Variants in ATP8A2 observed in about 807,000 individuals in gnomAD.
ATP8A2 encodes ATPase phospholipid transporting 8A2, also known as phospholipid-transporting ATPase IB.
A neutral mutation model predicts 165.6 loss-of-function variants in ATP8A2; 100 were observed. The observed-to-expected ratio is 0.60, with a 90% CI of 0.51 to 0.71. The LOEUF is 0.71. Ranked by LOEUF, ATP8A2 falls within the 30% of genes least tolerant of loss-of-function variation. ATP8A2 has a pLI of 0.00. For synonymous variants in ATP8A2, 543 were observed against 548.8 expected, an observed-to-expected ratio of 0.99 and a Z score of 0.15; for missense variants, 1,227 against 1,479.5, an observed-to-expected ratio of 0.83 and a Z score of 2.80.
chr13:25,538,834 A>G (rs780949861), intron 7 of ATP8A2, among the ~76,000 whole-genome samples: 2 of 152,036 alleles, frequency 1.3e-5, no homozygotes, highest in Non-Finnish European at 2.9e-5. Context: ...GAAGTTAATC[A>G]CTCATTGGAT....
intron 33 of ATP8A2, among the ~76,000 whole-genome samples, chr13:25,885,341 G>A (rs990059193): frequency 2.0e-5 from 3 of 151,962 alleles, no homozygotes; most frequent in African/African-American, 7.2e-5. Context: ...TCGAACTCCT[G>A]ACCTCAGGTG....
In ATP8A2 at chr13:25,377,505, A is replaced by G. The variant is rs1032043510; in HGVS notation, c.76+5217A>G. ...GGTCTGCCTGCATAGATCTGTCGTA[A>G]AAGTACCTGGATGGCTGGGCACAGT... On this transcript the variant is annotated intron_variant, in intron 1 of 36. Transcript: ENST00000381655. 3.9e-5 allele frequency among the ~76,000 whole-genome samples: 6 copies of G among 152,010 alleles called. No homozygotes were observed. The South Asian group carries it at 1.0e-3, about 26-fold the overall frequency.
At chr13:25,541,774 G>A in intron 8 of ATP8A2, 145 bp from the exon 9 acceptor site, 2 of 776,474 alleles carry the variant, frequency 2.6e-6, no homozygotes, top group Admixed American at 2.7e-5. Context: ...CTGCCTTGAG[G>A]GGCTGACAGT....
At chr13:25,952,236 A>G (rs1014283363) in intron 33 of ATP8A2, among the ~76,000 whole-genome samples, 2 of 152,184 alleles carry the variant, frequency 1.3e-5, no homozygotes, top group Non-Finnish European at 2.9e-5. Context: ...ACCAAGCTCT[A>G]GGCATTTCGT....
chr13:25,937,802 T>TC (rs1408988547), intron 33 of ATP8A2, among the ~76,000 whole-genome samples: 27 of 126,574 alleles, frequency 2.1e-4, no homozygotes, highest in Non-Finnish European at 3.5e-4. Flanking sequence ...TGAGCCGAGA[T>TC]GGCAACACTG....
intron 21 of ATP8A2, among the ~76,000 whole-genome samples, chr13:25,579,112 C>G (rs544398661): frequency 6.6e-6 from 1 of 152,332 alleles, no homozygotes; most frequent in South Asian, 2.1e-4. Flanking sequence ...CAGGCCAACG[C>G]ACAACGTGTA....
intron 25 of ATP8A2, among the ~76,000 whole-genome samples, chr13:25,752,236 G>A (rs1379899391): frequency 6.6e-6 from 1 of 152,062 alleles, no homozygotes; most frequent in Non-Finnish European, 1.5e-5. Context: ...TGAGGCAGGT[G>A]GATCACTTGG....
Position 25,664,007 on chromosome 13 carries a change from G to A in ATP8A2, c.2212-35166G>A, listed in dbSNP as rs142327741. Among the ~76,000 whole-genome samples the A allele has an allele frequency of 9.9e-3, 1,510 of 152,054 alleles. 16 individuals are homozygous for A. Among genetic ancestry groups the A allele is most frequent in the South Asian group, 0.018 (84 of 4,792 alleles). On this transcript the variant is annotated intron_variant, in intron 24 of 36. Coordinates refer to ENST00000381655, the MANE Select transcript of ATP8A2 (RefSeq NM_016529.6). ...GTGGATTGCTTGAACTCAGGAGTTT[G>A]AGACCAGCCTGGGCAACATGATGGA...
intron 1 of ATP8A2, among the ~76,000 whole-genome samples, chr13:25,449,588 C>T (rs1281950852): frequency 6.6e-6 from 1 of 152,180 alleles, no homozygotes; most frequent in Admixed American, 6.5e-5. Context: ...GAGTCTTGCT[C>T]ACATCTTGTG....
chr13:25,581,605 G>A (rs577519879), intron 22 of ATP8A2, among the ~76,000 whole-genome samples: 4 of 152,306 alleles, frequency 2.6e-5, no homozygotes, highest in African/African-American at 9.6e-5. Context: ...AATCAGTGAT[G>A]AGTACTGGGC....
chr13:25,515,388 G>T (rs978878672), intron 2 of ATP8A2, among the ~76,000 whole-genome samples: 3 of 152,224 alleles, frequency 2.0e-5, no homozygotes, highest in African/African-American at 7.2e-5. Context: ...TTTTAAAAAT[G>T]GATTGACATA....
rs1957060609 is a variant in ATP8A2 at position 26,020,053 on chromosome 13, T to G, written c.*68T>G. On this transcript the variant is annotated 3_prime_UTR_variant, in exon 37 of 37. Coordinates refer to ENST00000381655, the MANE Select transcript of ATP8A2 (RefSeq NM_016529.6). ...TGTTGCACCCAGTGTTAACACATCT[T>G]TGTCAGAGAAGACTGGCGTCAGCAG... is the stretch of plus-strand genomic sequence containing the variant. 1 of 1,174,506 alleles carries G rather than the reference T, an allele frequency of 8.5e-7. No homozygotes were observed. Among genetic ancestry groups the G allele is most frequent in the African/African-American group, 1.5e-5 (1 of 66,058 alleles). The allele number at this position is 1,174,506 out of a possible 1,614,324, so 72.8% of individuals were successfully genotyped here. A position where few individuals can be genotyped will look rare whatever the true frequency, so the allele number is the denominator to read the frequency against.
intron 33 of ATP8A2, among the ~76,000 whole-genome samples, chr13:25,907,287 C>G: frequency 6.6e-6 from 1 of 151,928 alleles, no homozygotes; most frequent in East Asian, 1.9e-4. Context: ...GGCAACAAAG[C>G]AAGACTCCAT....
At position 25,521,264 on chromosome 13, in the gene ATP8A2, T is replaced by G. The variant is rs1408892022; in HGVS notation, c.222-8735T>G. 1.8e-4 allele frequency among the ~76,000 whole-genome samples: 28 copies of G among 152,204 alleles called. 1 individual carries two copies. Among genetic ancestry groups the G allele is most frequent in the Non-Finnish European group, 1.5e-5 (1 of 68,038 alleles). ...GTTTGAGCTCCTTATTATATTCTGG[T>G]TATATTCTCCTTACATATCCCTTGT... On this transcript the variant is annotated intron_variant, in intron 2 of 36. Coordinates refer to ENST00000381655, the MANE Select transcript of ATP8A2 (RefSeq NM_016529.6).
intron 33 of ATP8A2, among the ~76,000 whole-genome samples, chr13:25,929,291 C>T (rs73472957): frequency 0.013 from 1,948 of 152,198 alleles, 49 homozygotes; most frequent in African/African-American, 0.045. Flanking sequence ...TCCCTGAAGG[C>T]AGATGGGATG....
At chr13:25,437,632 A>G (rs1030258290) in intron 1 of ATP8A2, among the ~76,000 whole-genome samples, 7 of 152,202 alleles carry the variant, frequency 4.6e-5, no homozygotes, top group African/African-American at 1.7e-4. Context: ...TGGAGATTGT[A>G]TTTAGCATTT....
chr13:25,383,491 A>G (rs1315669229), intron 1 of ATP8A2, among the ~76,000 whole-genome samples: 1 of 152,182 alleles, frequency 6.6e-6, no homozygotes, highest in Non-Finnish European at 1.5e-5. Context: ...AATCAGAAAC[A>G]TGTTTTCCAA....
intron 24 of ATP8A2, among the ~76,000 whole-genome samples, chr13:25,602,632 T>G (rs2040416393): frequency 6.6e-6 from 1 of 152,040 alleles, no homozygotes. Context: ...ATTTGAGCAG[T>G]GTGTGGCTGG....
At chr13:25,901,299 C>G (rs968689027) in intron 33 of ATP8A2, among the ~76,000 whole-genome samples, 1 of 150,622 alleles carries the variant, frequency 6.6e-6, no homozygotes, top group Admixed American at 6.6e-5. Flanking sequence ...TTTGAAGAGG[C>G]GAAAAAAGGA....
Sources: gnomAD v4.1 joint callset for allele counts (sites outside exome capture counted in the v4.1 genomes callset) on GRCh38, gnomAD v4.1.1 for gene constraint, MANE v1.5 for transcripts, NCBI Gene and HGNC (gene_info 2026-07-23, HGNC 2026-07-21) for gene names.